ANKRD13C: variants seen among roughly 807,000 people sequenced by gnomAD.
ANKRD13C encodes ankyrin repeat domain-containing protein 13C.
Under a neutral mutation model 65.5 loss-of-function variants are expected in ANKRD13C, and 16 were observed. That is an observed-to-expected ratio of 0.24 (90% CI 0.17 to 0.37). The LOEUF is 0.37. Ranked by LOEUF, ANKRD13C falls within the 10% of genes least tolerant of loss-of-function variation. The probability of loss-of-function intolerance (pLI) is 1.00; values close to 1 mark genes in which losing one functional copy is unlikely to be tolerated. For missense variants in ANKRD13C, 503 were observed against 655.9 expected (o/e 0.77, Z 2.55); for synonymous variants, 235 against 238.7 (o/e 0.98, Z 0.14).
At chr1:70,277,746 G>C (rs1252001371) in intron 9 of ANKRD13C, among the ~76,000 whole-genome samples, 1 of 152,128 alleles carries the variant, frequency 6.6e-6, no homozygotes, top group African/African-American at 2.4e-5. Context: ...ACTCAGATGG[G>C]AAGTTCAAAA....
At chr1:70,313,682 T>C in intron 5 of ANKRD13C, 63 bp downstream of exon 5, 1 of 1,203,672 alleles carries the variant, frequency 8.3e-7, no homozygotes, top group Non-Finnish European at 1.2e-6. Context: ...ATATGATAGG[T>C]ATTTTTGTAC....
chr1:70,309,481 G>A (rs1264395021), intron 5 of ANKRD13C, among the ~76,000 whole-genome samples: 1 of 150,486 alleles, frequency 6.6e-6, no homozygotes, highest in Non-Finnish European at 1.5e-5. Flanking sequence ...CACTTTGGGA[G>A]GCCGAGGCGG....
chr1:70,264,967 A>C (rs1678549369), intron 12 of ANKRD13C, among the ~76,000 whole-genome samples: 1 of 152,208 alleles, frequency 6.6e-6, no homozygotes. Context: ...CACGAAGTAC[A>C]AAAGCCCTCA....
Position 70,297,286 on chromosome 1 carries a change from G to GGTTTTT in ANKRD13C, c.922-1026_922-1025insAAAAAC, listed in dbSNP as rs1558281019. ...TTTAACCTACATAGAGTCCCTTTCTGATTTTTTTTTTTTTTTTTTTTTTTT... is the reference window on the plus strand; with the variant it reads ...TTTAACCTACATAGAGTCCCTTTCTGGTTTTTATTTTTTTTTTTTTTTTTTTTTTTT... On this transcript the variant is annotated intron_variant, in intron 7 of 12. Coordinates refer to ENST00000370944, the MANE Select transcript of ANKRD13C (RefSeq NM_030816.5). 1.6e-3 allele frequency among the ~76,000 whole-genome samples: 199 copies of GGTTTTT among 125,088 alleles called. 9 individuals are homozygous for GGTTTTT. Among genetic ancestry groups the GGTTTTT allele is most frequent in the African/African-American group, 3.9e-3 (130 of 33,416 alleles). The allele number at this position is 125,088 out of a possible 152,430, so 82.1% of individuals were successfully genotyped here. A position where few individuals can be genotyped will look rare whatever the true frequency, so the allele number is the denominator to read the frequency against.
intron 1 of ANKRD13C, among the ~76,000 whole-genome samples, chr1:70,344,256 C>CA (rs1462361968): frequency 2.7e-5 from 4 of 146,836 alleles, no homozygotes; most frequent in Non-Finnish European, 5.9e-5. Context: ...GAGATCATGC[C>CA]ACTGCACTCA....
chr1:70,351,402 A>G (rs1433019566), intron 1 of ANKRD13C, among the ~76,000 whole-genome samples: 2 of 152,046 alleles, frequency 1.3e-5, no homozygotes. Flanking sequence ...TATTTATTTT[A>G]TTTTATTTAT....
At chr1:70,286,855 G>A (rs1037459299) in intron 9 of ANKRD13C, among the ~76,000 whole-genome samples, 4 of 152,058 alleles carry the variant, frequency 2.6e-5, no homozygotes, top group African/African-American at 9.7e-5. Flanking sequence ...GCGTGGTGGT[G>A]GGTACCTGTA....
Position 70,270,925 on chromosome 1 carries a change from A to G in ANKRD13C, c.1426T>C (p.Phe476Leu), listed in dbSNP as rs1173797549. Residue 476 changes from phenylalanine (F) to leucine (L), a missense_variant, in exon 12 of 13, where the codon TTC becomes CTC. Coordinates refer to ENST00000370944, the MANE Select transcript of ANKRD13C (RefSeq NM_030816.5). ...TCTCTAAGCTTGTTAAAGTGCTTGA[A>G]GGGAGCTACTACTTCTAAAACATTC... ...LLNVLEVVAP[F>L]KHFNKLREFV... is the part of the protein sequence containing the mutation. 1 of 1,612,668 alleles carries G rather than the reference A, an allele frequency of 6.2e-7. No homozygotes were observed. Among genetic ancestry groups the G allele is most frequent in the African/African-American group, 1.3e-5 (1 of 74,884 alleles).
intron 5 of ANKRD13C, among the ~76,000 whole-genome samples, chr1:70,306,757 T>C (rs1454043985): frequency 6.6e-6 from 1 of 152,248 alleles, no homozygotes; most frequent in Non-Finnish European, 1.5e-5. Flanking sequence ...ATCCCAAATA[T>C]GTGCCTTGGT....
intron 6 of ANKRD13C, 75 bp from the exon 7 acceptor site, chr1:70,300,983 G>A (rs1215805381): frequency 1.3e-6 from 2 of 1,483,750 alleles, no homozygotes; most frequent in African/African-American, 1.4e-5. Context: ...TAAATAAGCT[G>A]TTCCTTTTAA....
At chr1:70,341,840 C>A (rs1233040487) in intron 1 of ANKRD13C, among the ~76,000 whole-genome samples, 1 of 151,994 alleles carries the variant, frequency 6.6e-6, no homozygotes, top group South Asian at 2.1e-4. Flanking sequence ...ATTTTAAAAT[C>A]ATTCTTGTCC....
chr1:70,316,075 C>A (rs1329664615), intron 3 of ANKRD13C, among the ~76,000 whole-genome samples: 1 of 152,128 alleles, frequency 6.6e-6, no homozygotes, highest in Non-Finnish European at 1.5e-5. Flanking sequence ...CACTGGAAGC[C>A]ACTTTTCTAA....
chr1:70,331,060 G>A (rs920786461), intron 2 of ANKRD13C, among the ~76,000 whole-genome samples: 2 of 152,184 alleles, frequency 1.3e-5, no homozygotes, highest in Admixed American at 6.6e-5. Context: ...GAGAAGGAAA[G>A]CATGTAGAAG....
chr1:70,296,009 G>C (rs574263813), intron 8 of ANKRD13C, 121 bp downstream of exon 8: 1 of 1,113,014 alleles, frequency 9.0e-7, no homozygotes, highest in Middle Eastern at 2.5e-4. Context: ...ATTCAAGGAA[G>C]AGAGAAAAAA....
intron 1 of ANKRD13C, among the ~76,000 whole-genome samples, chr1:70,340,736 A>T (rs1682271228): frequency 6.6e-6 from 1 of 152,220 alleles, no homozygotes; most frequent in Non-Finnish European, 1.5e-5. Context: ...AATCAAACTT[A>T]AAATTTTCAT....
intron 2 of ANKRD13C, among the ~76,000 whole-genome samples, chr1:70,333,490 C>T (rs1430630668): frequency 3.9e-5 from 6 of 152,204 alleles, no homozygotes; most frequent in African/African-American, 9.6e-5. Context: ...CCCCAAATCT[C>T]ACCCAAGTCA....
chr1:70,323,898 G>T (rs1358893122), intron 3 of ANKRD13C, among the ~76,000 whole-genome samples: 5 of 150,614 alleles, frequency 3.3e-5, no homozygotes, highest in African/African-American at 9.7e-5. Context: ...CAATTTTTTT[G>T]TATTTTTAGT....
chr1:70,353,864 GGAT>G, intron 1 of ANKRD13C, 112 bp downstream of exon 1: 1 of 1,349,188 alleles, frequency 7.4e-7, no homozygotes, highest in African/African-American at 1.5e-5. Flanking sequence ...CGAACGGCCC[GGAT>G]GATGGGCAAA....
At chr1:70,353,121 C>T (rs1682819169) in intron 1 of ANKRD13C, among the ~76,000 whole-genome samples, 1 of 152,220 alleles carries the variant, frequency 6.6e-6, no homozygotes, top group African/African-American at 2.4e-5. Flanking sequence ...CAGTTTAAAA[C>T]GGCTATTAAA....
Sources: gnomAD v4.1 joint callset for allele counts (sites outside exome capture counted in the v4.1 genomes callset) on GRCh38, gnomAD v4.1.1 for gene constraint, MANE v1.5 for transcripts, NCBI Gene and HGNC (gene_info 2026-07-23, HGNC 2026-07-21) for gene names.